The following KIAA0825 variants were observed in gnomAD, a reference collection of about 807,000 sequenced individuals.
The protein encoded by KIAA0825 is uncharacterized protein KIAA0825.
Under a neutral mutation model 147.6 loss-of-function variants are expected in KIAA0825, and 119 were observed. That is an observed-to-expected ratio of 0.81 (90% CI 0.69 to 0.94). The LOEUF (loss-of-function observed/expected upper bound fraction) is 0.94, where lower values mean the gene tolerates loss of function less well. KIAA0825 is among the 40% of genes least tolerant of loss of function. The probability of loss-of-function intolerance (pLI) is 0.00; values close to 1 mark genes in which losing one functional copy is unlikely to be tolerated. For missense variants in KIAA0825, 1,381 were observed against 1,472.7 expected (o/e 0.94, Z 1.02); for synonymous variants, 470 against 518.1 (o/e 0.91, Z 1.26).
intron 5 of KIAA0825, among the ~76,000 whole-genome samples, chr5:94,494,756 C>T (rs1356271575): frequency 6.6e-6 from 1 of 152,068 alleles, no homozygotes; most frequent in Non-Finnish European, 1.5e-5. Flanking sequence ...AAAAATTAAC[C>T]TGTAGAAAAA....
chr5:94,377,327 A>T (rs1471150589), intron 20 of KIAA0825, among the ~76,000 whole-genome samples: 1 of 152,374 alleles, frequency 6.6e-6, no homozygotes, highest in Non-Finnish European at 1.5e-5. Context: ...ACTGCGCTGT[A>T]TTCACAGATT....
intron 20 of KIAA0825, among the ~76,000 whole-genome samples, chr5:94,365,019 G>T (rs1480884379): frequency 1.3e-5 from 2 of 152,110 alleles, no homozygotes; most frequent in Non-Finnish European, 2.9e-5. Flanking sequence ...AAGACAACAT[G>T]GCATGGCCAG....
chr5:94,487,307 G>T (rs1763170304), intron 5 of KIAA0825, among the ~76,000 whole-genome samples: 1 of 152,156 alleles, frequency 6.6e-6, no homozygotes, highest in Admixed American at 6.5e-5. Flanking sequence ...TATGGGAGCT[G>T]CCCATTAATT....
rs147870501 is a variant in KIAA0825, at chr5:94,550,765, C to T, written c.-1-13638G>A. On this transcript the variant is annotated intron_variant, in intron 2 of 20. Coordinates refer to ENST00000682413, the MANE Select transcript of KIAA0825 (RefSeq NM_001145678.3). ...GCTGAGGCAGGAGAATGGCGTGAGC[C>T]CGGGAGGCGGAGCTTGCAGTGAGCC... is the stretch of plus-strand genomic sequence containing the variant. Among the ~76,000 whole-genome samples, 614 of 151,722 alleles carry T rather than the reference C, an allele frequency of 4.0e-3. 6 individuals are homozygous for T. Among genetic ancestry groups the T allele is most frequent in the African/African-American group, 0.014 (591 of 41,356 alleles).
At chr5:94,204,290 C>T (rs1562311387) in intron 20 of KIAA0825, among the ~76,000 whole-genome samples, 1 of 152,152 alleles carries the variant, frequency 6.6e-6, no homozygotes, top group Non-Finnish European at 1.5e-5. Flanking sequence ...TGACATTTTT[C>T]TCTTTCAGAG....
intron 20 of KIAA0825, among the ~76,000 whole-genome samples, chr5:94,269,134 G>A (rs540526737): frequency 3.9e-5 from 6 of 152,146 alleles, no homozygotes; most frequent in African/African-American, 9.6e-5. Flanking sequence ...AGGTGCCATC[G>A]TTAAATAATC....
chr5:94,215,744 G>A (rs948781460), intron 20 of KIAA0825, among the ~76,000 whole-genome samples: 2 of 151,792 alleles, frequency 1.3e-5, no homozygotes, highest in East Asian at 1.9e-4. Context: ...TTGATTCCTC[G>A]CACTCTTCTC....
intron 20 of KIAA0825, among the ~76,000 whole-genome samples, chr5:94,275,379 A>G (rs539528274): frequency 1.4e-4 from 21 of 152,304 alleles, no homozygotes; most frequent in African/African-American, 4.8e-4. Flanking sequence ...CAATCTCATT[A>G]AAACATAAAG....
chr5:94,573,834 AT>A (rs1190436318), intron 2 of KIAA0825, among the ~76,000 whole-genome samples: 3 of 152,150 alleles, frequency 2.0e-5, no homozygotes, highest in Admixed American at 6.6e-5. Flanking sequence ...TTTTCTTGTA[AT>A]GTTATCCAGA....
chr5:94,342,871 C>T (rs1328879518), intron 20 of KIAA0825, among the ~76,000 whole-genome samples: 4 of 151,776 alleles, frequency 2.6e-5, no homozygotes, highest in Non-Finnish European at 4.4e-5. Flanking sequence ...GAGTAGATGT[C>T]AAAAAATGTT....
At chr5:94,175,614 T>C (rs1016189462) in intron 20 of KIAA0825, among the ~76,000 whole-genome samples, 15 of 152,182 alleles carry the variant, frequency 9.9e-5, no homozygotes, top group African/African-American at 3.4e-4. Context: ...CTGTTCTAAG[T>C]TTCTCTCCCT....
At chr5:94,200,920 AT>A (rs1156534152) in intron 20 of KIAA0825, among the ~76,000 whole-genome samples, 1 of 141,044 alleles carries the variant, frequency 7.1e-6, no homozygotes, top group East Asian at 2.1e-4. Context: ...CAAAGCTGCT[AT>A]TTCTCTAGAA....
At chr5:94,399,015 T>C (rs1269244935) in intron 16 of KIAA0825, among the ~76,000 whole-genome samples, 2 of 152,168 alleles carry the variant, frequency 1.3e-5, no homozygotes, top group Middle Eastern at 3.2e-3. Context: ...GGAGCAGTCT[T>C]TATAAGTTTG....
At chr5:94,182,088 C>CCT (rs1308792189) in intron 20 of KIAA0825, among the ~76,000 whole-genome samples, 1 of 151,826 alleles carries the variant, frequency 6.6e-6, no homozygotes, top group Non-Finnish European at 1.5e-5. Flanking sequence ...TATCCAGCTC[C>CCT]CTCTTCTACC....
chr5:94,403,926 C>A, intron 15 of KIAA0825, 133 bp from the exon 16 acceptor site: 1 of 670,628 alleles, frequency 1.5e-6, no homozygotes, highest in Non-Finnish European at 2.5e-6. Context: ...ACCAAGAAAT[C>A]ATATGATTGA....
At chr5:94,552,848 G>T (rs1413375253) in intron 2 of KIAA0825, among the ~76,000 whole-genome samples, 1 of 152,100 alleles carries the variant, frequency 6.6e-6, no homozygotes, top group Non-Finnish European at 1.5e-5. Flanking sequence ...GTAGAACAGA[G>T]GTTAGTAGAA....
chr5:94,217,892 G>A (rs745511358), intron 20 of KIAA0825, among the ~76,000 whole-genome samples: 1 of 152,022 alleles, frequency 6.6e-6, no homozygotes, highest in African/African-American at 2.4e-5. Flanking sequence ...TGCTGCAAAC[G>A]TCTCAATGTT....
intron 13 of KIAA0825, among the ~76,000 whole-genome samples, chr5:94,441,790 C>A (rs1462595232): frequency 6.6e-6 from 1 of 152,154 alleles, no homozygotes; most frequent in Non-Finnish European, 1.5e-5. Flanking sequence ...TTATAGCAGC[C>A]AGAGCTAAGA....
chr5:94,531,509 T>A lies in KIAA0825; in HGVS notation c.131+5487A>T, dbSNP rs150029204. ...AATATGAATGGGGCCAGAAAAAGTT[T>A]AGGCTACTGCGCTGCTGAAGCCCAG... On this transcript the variant is annotated intron_variant, in intron 3 of 20. Coordinates refer to ENST00000682413, the MANE Select transcript of KIAA0825 (RefSeq NM_001145678.3). 6.7e-3 allele frequency among the ~76,000 whole-genome samples: 1,025 copies of A among 152,312 alleles called. 5 individuals are homozygous for A. Among genetic ancestry groups the A allele is most frequent in the Non-Finnish European group, 8.8e-3 (600 of 68,038 alleles).
Sources: gnomAD v4.1 joint callset for allele counts (sites outside exome capture counted in the v4.1 genomes callset) on GRCh38, gnomAD v4.1.1 for gene constraint, MANE v1.5 for transcripts, NCBI Gene and HGNC (gene_info 2026-07-23, HGNC 2026-07-21) for gene names.